The following DNAI4 variants were observed in gnomAD, a reference collection of about 807,000 sequenced individuals.
The protein encoded by DNAI4 is dynein axonemal intermediate chain 4, also known as WD repeat domain 78.
A neutral mutation model predicts 105.8 loss-of-function variants in DNAI4; 85 were observed. That is an observed-to-expected ratio of 0.80 (90% confidence interval 0.67 to 0.96). DNAI4 has a LOEUF of 0.96. Ranked by LOEUF, DNAI4 falls within the 40% of genes least tolerant of loss-of-function variation. DNAI4 has a pLI of 0.00. For synonymous variants in DNAI4, 352 were observed against 331.5 expected (o/e 1.06, Z -0.67); for missense variants, 1,014 against 1,005.6 (o/e 1.01, Z -0.11).
intron 3 of DNAI4, among the ~76,000 whole-genome samples, chr1:66,891,537 C>G (rs1201487525): frequency 6.6e-6 from 1 of 152,248 alleles, no homozygotes; most frequent in Non-Finnish European, 1.5e-5. Flanking sequence ...TCTCTGCTCA[C>G]TGCAACCTCT....
chr1:66,913,307 T>G (rs1246982204), intron 1 of DNAI4, among the ~76,000 whole-genome samples: 2 of 152,204 alleles, frequency 1.3e-5, no homozygotes, highest in Non-Finnish European at 2.9e-5. Context: ...TGGTTTGAAG[T>G]TGCTGTTTAA....
At chr1:66,907,033 GC>G (rs1282961734) in intron 1 of DNAI4, 1 of 151,904 alleles carries the variant, frequency 6.6e-6, no homozygotes, top group Non-Finnish European at 1.5e-5. Flanking sequence ...ATAAAATTAT[GC>G]CCCAATCATC....
At chr1:66,837,245 T>C (rs543133906) in intron 10 of DNAI4, among the ~76,000 whole-genome samples, 4 of 151,010 alleles carry the variant, frequency 2.6e-5, no homozygotes, top group Admixed American at 2.0e-4. Flanking sequence ...GCACCTGTAG[T>C]CCCAGCTACT....
intron 8 of DNAI4, among the ~76,000 whole-genome samples, chr1:66,842,365 A>G (rs1646167852): frequency 1.3e-5 from 2 of 152,090 alleles, no homozygotes; most frequent in South Asian, 4.2e-4. Context: ...ATACGGTAAG[A>G]GTATGTTTGG....
At chr1:66,863,647 T>C (rs1366812690) in intron 6 of DNAI4, among the ~76,000 whole-genome samples, 1 of 151,890 alleles carries the variant, frequency 6.6e-6, no homozygotes. Context: ...TTAGTAGAGA[T>C]GGGGTTCACC....
intron 15 of DNAI4, among the ~76,000 whole-genome samples, chr1:66,822,997 C>T (rs111682951): frequency 1.4e-4 from 21 of 151,982 alleles, no homozygotes; most frequent in South Asian, 2.1e-4. Context: ...CATGCTGGTG[C>T]GCTGCACCCA....
intron 5 of DNAI4, among the ~76,000 whole-genome samples, chr1:66,872,348 C>A (rs1349431155): frequency 6.6e-6 from 1 of 152,076 alleles, no homozygotes; most frequent in Non-Finnish European, 1.5e-5. Context: ...CCTGCCTCGG[C>A]CTCCCGAGAA....
At chr1:66,919,905 G>A (rs1412046355) in intron 1 of DNAI4, among the ~76,000 whole-genome samples, 1 of 152,150 alleles carries the variant, frequency 6.6e-6, no homozygotes, top group Non-Finnish European at 1.5e-5. Flanking sequence ...CTAATCATAG[G>A]ATTGTCCAAC....
chr1:66,838,616 C>T (rs1226313110), intron 9 of DNAI4, among the ~76,000 whole-genome samples: 1 of 152,250 alleles, frequency 6.6e-6, no homozygotes, highest in Non-Finnish European at 1.5e-5. Flanking sequence ...CCAGCCTCTG[C>T]TGTGTAACCA....
At chr1:66,856,305 T>C (rs1265734336) in intron 7 of DNAI4, among the ~76,000 whole-genome samples, 3 of 147,172 alleles carry the variant, frequency 2.0e-5, no homozygotes, top group Non-Finnish European at 3.0e-5. Flanking sequence ...CCGTCTCTAC[T>C]AAAAATACAA....
At chr1:66,816,727 T>TCACACACACACACACA (rs57920483) in intron 16 of DNAI4, among the ~76,000 whole-genome samples, 1 of 137,692 alleles carries the variant, frequency 7.3e-6, no homozygotes, top group Non-Finnish European at 1.6e-5. Flanking sequence ...AGCCTTGAAA[T>TCACACACACACACACA]CACACACACA....
chr1:66,829,820 A>G (rs563349231), intron 13 of DNAI4, among the ~76,000 whole-genome samples: 1 of 152,340 alleles, frequency 6.6e-6, no homozygotes, highest in East Asian at 1.9e-4. Context: ...ACTGGGCTTT[A>G]TAACAAATCT....
chr1:66,871,202 C>A, intron 6 of DNAI4, 168 bp downstream of exon 6: 1 of 511,860 alleles, frequency 2.0e-6, no homozygotes, highest in Admixed American at 3.8e-5. Context: ...TATTACTTAA[C>A]ATGTCAAATT....
intron 10 of DNAI4, among the ~76,000 whole-genome samples, chr1:66,836,140 A>AAAGAAAGAAAGAAAGAAAG (rs1645983018): frequency 1.0e-5 from 1 of 96,008 alleles, no homozygotes; most frequent in African/African-American, 4.4e-5. Flanking sequence ...AGAAAGAAAG[A>AAAGAAAGAAAGAAAGAAAG]AAAGAAAGAA....
intron 9 of DNAI4, among the ~76,000 whole-genome samples, chr1:66,840,029 A>C (rs1646115465): frequency 6.6e-6 from 1 of 152,224 alleles, no homozygotes; most frequent in African/African-American, 2.4e-5. Flanking sequence ...ATTTTAAAGA[A>C]TCTCAAAATT....
chr1:66,869,941 A>C (rs550505721), intron 6 of DNAI4, among the ~76,000 whole-genome samples: 1 of 152,362 alleles, frequency 6.6e-6, no homozygotes, highest in East Asian at 1.9e-4. Flanking sequence ...GAGTGAGAGA[A>C]TAGAAAGAGA....
chr1:66,835,365 C>T (rs1204252409), intron 11 of DNAI4, among the ~76,000 whole-genome samples: 1 of 151,960 alleles, frequency 6.6e-6, no homozygotes, highest in East Asian at 1.9e-4. Context: ...GAAGTGAAAC[C>T]CAAAGCAATA....
At chr1:66,918,122 G>A (rs937333394) in intron 1 of DNAI4, among the ~76,000 whole-genome samples, 3 of 152,098 alleles carry the variant, frequency 2.0e-5, no homozygotes, top group African/African-American at 7.2e-5. Context: ...TTTCTCCTAT[G>A]AAAGTCCAAA....
At chr1:66,913,741 G>C (rs1244114694) in intron 1 of DNAI4, among the ~76,000 whole-genome samples, 2 of 152,070 alleles carry the variant, frequency 1.3e-5, no homozygotes, top group African/African-American at 2.4e-5. Context: ...CCAGCACTTT[G>C]GGAGGCCGAG....
Sources: allele counts gnomAD v4.1 joint callset (sites outside exome capture counted in the v4.1 genomes callset), GRCh38; gene constraint gnomAD v4.1.1; transcripts MANE v1.5; gene names NCBI Gene and HGNC (gene_info 2026-07-23, HGNC 2026-07-21).